DCTN6: variants seen among roughly 807,000 people sequenced by gnomAD.
The protein encoded by DCTN6 is dynactin subunit 6.
DCTN6 carries 15 observed loss-of-function variants against 25.8 expected under a neutral mutation model. The ratio of observed to expected loss-of-function variants is 0.58; its 90% CI spans 0.39 to 0.89. The LOEUF is 0.89. DCTN6 is among the 40% of genes least tolerant of loss of function. The pLI is 0.00. For missense variants in DCTN6, 198 were observed against 237.6 expected (o/e 0.83, Z 1.09); for synonymous variants, 64 against 78.3 (o/e 0.82, Z 0.96).
At chr8:30,168,649 C>A (rs1036152653) in intron 2 of DCTN6, among the ~76,000 whole-genome samples, 22 of 152,042 alleles carry the variant, frequency 1.4e-4, no homozygotes, top group African/African-American at 3.1e-4. Flanking sequence ...GTAATGTTTT[C>A]CTTTGCTAAG....
intron 1 of DCTN6, among the ~76,000 whole-genome samples, chr8:30,160,359 C>T (rs1803580534): frequency 6.6e-6 from 1 of 152,216 alleles, no homozygotes; most frequent in Non-Finnish European, 1.5e-5. Context: ...TTCCCTGCCA[C>T]CATGTGAAGA....
At chr8:30,159,192 C>T (rs1321193642) in intron 1 of DCTN6, among the ~76,000 whole-genome samples, 1 of 152,150 alleles carries the variant, frequency 6.6e-6, no homozygotes, top group Non-Finnish European at 1.5e-5. Flanking sequence ...ACAGCTGGAG[C>T]TGTGTCTATT....
chr8:30,161,258 C>T (rs973161587), intron 1 of DCTN6, among the ~76,000 whole-genome samples: 2 of 152,168 alleles, frequency 1.3e-5, no homozygotes, highest in Admixed American at 6.5e-5. Context: ...GAGGCCTCCC[C>T]AGTCATGTGG....
At chr8:30,156,468 G>T in intron 1 of DCTN6, 62 bp downstream of exon 1, 8 of 1,548,622 alleles carry the variant, frequency 5.2e-6, no homozygotes, top group Non-Finnish European at 7.0e-6. Context: ...ACCTGTTCCT[G>T]GTCGCCAATG....
At chr8:30,173,731 TAA>T (rs371782984) in intron 2 of DCTN6, among the ~76,000 whole-genome samples, 7,101 of 95,868 alleles carry the variant, frequency 0.074, 304 homozygotes, top group East Asian at 0.32. Context: ...CCCTGTCTCT[TAA>T]AAAAAAAAAA....
intron 5 of DCTN6, among the ~76,000 whole-genome samples, 155 bp from the exon 6 acceptor site, chr8:30,180,333 C>T (rs534664804): frequency 1.2e-4 from 19 of 152,294 alleles, no homozygotes; most frequent in East Asian, 3.9e-4. Flanking sequence ...TACTGCCTGC[C>T]TCTGTGTTGT....
At chr8:30,170,173 C>CAA (rs1265818844) in intron 2 of DCTN6, among the ~76,000 whole-genome samples, 8 of 116,618 alleles carry the variant, frequency 6.9e-5, no homozygotes, top group African/African-American at 2.2e-4. Flanking sequence ...ACTCTGTATC[C>CAA]AAAAAAAAAA....
rs111443830 is a variant in DCTN6, at chr8:30,161,787, G to A, written c.24-2324G>A. ...TTTTGAGACAGAGTCTCACTCTGTC[G>A]CCCAGGCTGGAGTGCAGTGGCGTAG... is the stretch of plus-strand genomic sequence containing the variant. On this transcript the variant is annotated intron_variant, in intron 1 of 6. Transcript: ENST00000221114. 6.2e-5 allele frequency among the ~76,000 whole-genome samples: 9 copies of A among 145,120 alleles called. 2 individuals carry two copies. Among genetic ancestry groups the A allele is most frequent in the South Asian group, 2.2e-4 (1 of 4,560 alleles).
rs948608741 is a variant in DCTN6 at position 30,156,398 on chromosome 8, T to G, written c.15T>G (p.Thr5=). ...GGGGCCGTACCATGGCGGAGAAGAC[T>G]CAAAAGAGGTGGGTTTGCTGCTTGA... MAEK[T]QKSVKIAPGA... Residue 5 remains threonine, a synonymous_variant, in exon 1 of 7, where the codon ACT becomes ACG. Transcript: ENST00000221114. 6.2e-7 allele frequency: 1 copy of G among 1,605,392 alleles called. No individual in the cohort carries two copies. Among genetic ancestry groups the G allele is most frequent in the Admixed American group, 1.7e-5 (1 of 58,782 alleles).
intron 1 of DCTN6, among the ~76,000 whole-genome samples, chr8:30,157,465 G>A (rs1479883990): frequency 1.3e-5 from 2 of 152,188 alleles, no homozygotes; most frequent in Admixed American, 1.3e-4. Flanking sequence ...TGGTAGTTCC[G>A]TTTGGATTGG....
intron 1 of DCTN6, among the ~76,000 whole-genome samples, chr8:30,158,727 C>T (rs1803558968): frequency 8.8e-6 from 1 of 113,778 alleles, no homozygotes; most frequent in African/African-American, 3.2e-5. Context: ...TTTTGTGAGA[C>T]AGAGTCGCTC....
intron 1 of DCTN6, among the ~76,000 whole-genome samples, chr8:30,157,264 GTTTCC>G (rs997996192): frequency 2.0e-5 from 3 of 152,206 alleles, no homozygotes; most frequent in African/African-American, 7.2e-5. Flanking sequence ...CAAAAGACAT[GTTTCC>G]TTTCTTTTTG....
Position 30,180,467 on chromosome 8 carries a change from CT to C in DCTN6, c.332-18del. The C allele has an allele frequency of 6.2e-7, 1 of 1,602,942 alleles. No homozygotes were observed. The highest frequency in any genetic ancestry group is 8.5e-7 in the Non-Finnish European group (1 of 1,173,186). On this transcript the variant is annotated intron_variant, in intron 5 of 6. Coordinates refer to ENST00000221114, the MANE Select transcript of DCTN6 (RefSeq NM_006571.4). ...TCATTTGATGTCTTAAGTTGCAGTT[CT>C]TTCTGTGTTTTTATTGCAGCATATG...
At position 30,156,371 on chromosome 8, in the gene DCTN6, T is replaced by C. The variant is rs756636605; in HGVS notation, c.-13T>C. On this transcript the variant is annotated 5_prime_UTR_variant, in exon 1 of 7. Coordinates refer to ENST00000221114, the MANE Select transcript of DCTN6 (RefSeq NM_006571.4). Reference sequence around the variant, plus strand: ...GCGGTGGTGTCGATCTACGTTCCAATTGGGGCCGTACCATGGCGGAGAAGA... The same window carrying C: ...GCGGTGGTGTCGATCTACGTTCCAACTGGGGCCGTACCATGGCGGAGAAGA... The C allele has an allele frequency of 3.6e-5, 57 of 1,582,442 alleles. No individual in the cohort carries two copies. The highest frequency in any genetic ancestry group is 3.4e-4 in the Middle Eastern group (2 of 5,910).
intron 6 of DCTN6, 29 bp downstream of exon 6, chr8:30,180,659 C>T (rs775459280): frequency 1.2e-6 from 2 of 1,609,166 alleles, no homozygotes; most frequent in Non-Finnish European, 1.7e-6. Flanking sequence ...AAAAAGAGTT[C>T]TATCTGCTGA....
At position 30,164,081 on chromosome 8, in the gene DCTN6, C is replaced by CTGGTAAATG. The variant is rs756983159; in HGVS notation, c.24-28_24-20dup. The CTGGTAAATG allele has an allele frequency of 3.8e-6, 6 of 1,583,460 alleles. No individual in the cohort carries two copies. In the Admixed American group the frequency reaches 1.0e-4, roughly 26 times the overall value. ...TCCAACAGTATGTTTAATCTTACCC[C>CTGGTAAATG]TGGTAAATGTTACCTTTTTCTTGCT... is the stretch of plus-strand genomic sequence containing the variant. On this transcript the variant is annotated intron_variant, in intron 1 of 6. Transcript: ENST00000221114.
intron 2 of DCTN6, among the ~76,000 whole-genome samples, chr8:30,174,645 C>T (rs1563230762): frequency 6.6e-6 from 1 of 152,164 alleles, no homozygotes; most frequent in Non-Finnish European, 1.5e-5. Context: ...GGTACACTCG[C>T]ATAAGAAAGC....
At chr8:30,167,912 G>A (rs559445970) in intron 2 of DCTN6, among the ~76,000 whole-genome samples, 86 of 152,252 alleles carry the variant, frequency 5.6e-4, no homozygotes, top group Non-Finnish European at 1.1e-3. Context: ...TGTTGGTCAG[G>A]CTGATCTCAA....
intron 1 of DCTN6, among the ~76,000 whole-genome samples, chr8:30,161,210 G>A (rs1478908942): frequency 2.0e-5 from 3 of 152,148 alleles, no homozygotes; most frequent in African/African-American, 7.2e-5. Context: ...GAAGGTGTCT[G>A]CTTCCCCTTT....
Sources: allele counts gnomAD v4.1 joint callset (sites outside exome capture counted in the v4.1 genomes callset), GRCh38; gene constraint gnomAD v4.1.1; transcripts MANE v1.5; gene names NCBI Gene and HGNC (gene_info 2026-07-23, HGNC 2026-07-21).